Variants in CEP41 observed in about 807,000 individuals in gnomAD.
The protein encoded by CEP41 is centrosomal protein 41, also known as centrosomal protein of 41 kDa.
Under a neutral mutation model 44.3 loss-of-function variants are expected in CEP41, and 32 were observed. The observed-to-expected ratio is 0.72, with a 90% CI of 0.54 to 0.97. CEP41 has a LOEUF of 0.97. CEP41 is among the 50% of genes least tolerant of loss of function. The pLI, the probability that CEP41 is intolerant of heterozygous loss-of-function variation, is 0.00. For missense variants in CEP41, 432 were observed against 455.2 expected (o/e 0.95, Z 0.46); for synonymous variants, 151 against 168.5 (o/e 0.90, Z 0.80).
Position 130,437,595 on chromosome 7 carries a change from AC to A in CEP41, c.33+3338del, listed in dbSNP as rs34184117. Among the ~76,000 whole-genome samples the A allele has an allele frequency of 1.3e-4, 20 of 150,858 alleles. No homozygotes were observed. In the East Asian group the frequency reaches 3.7e-3, roughly 28 times the overall value. On this transcript the variant is annotated intron_variant, in intron 1 of 10. Coordinates refer to ENST00000223208, the MANE Select transcript of CEP41 (RefSeq NM_018718.3). Reference sequence around the variant, plus strand: ...AGACCCTCTTGGGCAACATAGGGAGACCCCATCTCTATAAAAAATACAAAAA... The same window carrying A: ...AGACCCTCTTGGGCAACATAGGGAGACCCATCTCTATAAAAAATACAAAAA...
chr7:130,440,894 CCCGCCCCCT>C, intron 1 of CEP41, 31 bp downstream of exon 1: 1 of 1,607,068 alleles, frequency 6.2e-7, no homozygotes, highest in Non-Finnish European at 8.5e-7. Flanking sequence ...TTCCGGTGCG[CCCGCCCCCT>C]CCGGCTCTCC....
chr7:130,441,242 C>T, upstream of CEP41: 1 of 223,564 alleles, frequency 4.5e-6, no homozygotes, highest in Non-Finnish European at 8.4e-6. Context: ...AGCCTTAGGG[C>T]GGGAAGAGAG....
At position 130,434,091 on chromosome 7, in the gene CEP41, G is replaced by A. The variant is rs562802278; in HGVS notation, c.34-6073C>T. Among the ~76,000 whole-genome samples, 3 of 152,324 alleles carry A rather than the reference G, an allele frequency of 2.0e-5. No individual in the cohort carries two copies. The South Asian group carries it at 6.2e-4, about 32-fold the overall frequency. On this transcript the variant is annotated intron_variant, in intron 1 of 10. Coordinates refer to ENST00000223208, the MANE Select transcript of CEP41 (RefSeq NM_018718.3). ...AGGAATGGAAAAAGTATTCCAAGTG[G>A]AGAAATTTTTAATAGCAAAGCCACT...
intron 1 of CEP41, among the ~76,000 whole-genome samples, chr7:130,440,380 C>A (rs1554427259): frequency 6.6e-6 from 1 of 152,214 alleles, no homozygotes; most frequent in Non-Finnish European, 1.5e-5. Flanking sequence ...GCACCTACTG[C>A]ACCGTGGAAG....
At chr7:130,440,298 C>G (rs561115012) in intron 1 of CEP41, among the ~76,000 whole-genome samples, 3 of 152,270 alleles carry the variant, frequency 2.0e-5, no homozygotes, top group South Asian at 2.1e-4. Context: ...GGATTACAGG[C>G]TGAGCCACCG....
chr7:130,418,214 G>T (rs890351520), intron 2 of CEP41, among the ~76,000 whole-genome samples: 10 of 152,172 alleles, frequency 6.6e-5, no homozygotes, highest in African/African-American at 2.4e-4. Flanking sequence ...AGTCAGGGCT[G>T]CCAGGAAGGC....
At chr7:130,439,879 C>T (rs1554427091) in intron 1 of CEP41, among the ~76,000 whole-genome samples, 1 of 152,190 alleles carries the variant, frequency 6.6e-6, no homozygotes, top group African/African-American at 2.4e-5. Flanking sequence ...AATGAATGGC[C>T]TTGCCACCCC....
rs1256901371 is a variant in CEP41 at position 130,416,803 on chromosome 7, G to A, written c.145+116C>T. The A allele has an allele frequency of 3.6e-5, 31 of 849,998 alleles. 1 individual carries two copies. Among genetic ancestry groups the A allele is most frequent in the South Asian group, 3.5e-4 (26 of 74,388 alleles). The allele number at this position is 849,998 out of a possible 1,614,324, so 52.7% of individuals were successfully genotyped here. On this transcript the variant is annotated intron_variant, in intron 3 of 10. Coordinates refer to ENST00000223208, the MANE Select transcript of CEP41 (RefSeq NM_018718.3). Reference sequence around the variant, plus strand: ...CCTTGAGGCACCTGCTAGGCTTATCGGACCATCCATAGCTCTCTGTGCCTG... The same window carrying A: ...CCTTGAGGCACCTGCTAGGCTTATCAGACCATCCATAGCTCTCTGTGCCTG...
rs782400867 is a variant in CEP41, at chr7:130,398,807, T to C, written c.*84A>G. The C allele has an allele frequency of 2.0e-6, 3 of 1,509,990 alleles. No individual in the cohort carries two copies. Among genetic ancestry groups the C allele is most frequent in the East Asian group, 2.3e-5 (1 of 44,352 alleles). 93.5% of individuals were successfully genotyped at this position (1,509,990 alleles called of 1,614,324 possible). Reference sequence around the variant, plus strand: ...TGTCATGGTCTTTCCTCTGCAGAAGTTTCTGGAAATGACCCAACTTGGGAA... The same window carrying C: ...TGTCATGGTCTTTCCTCTGCAGAAGCTTCTGGAAATGACCCAACTTGGGAA... On this transcript the variant is annotated 3_prime_UTR_variant, in exon 11 of 11. Coordinates refer to ENST00000223208, the MANE Select transcript of CEP41 (RefSeq NM_018718.3).
chr7:130,439,865 G>C (rs999246538), intron 1 of CEP41, among the ~76,000 whole-genome samples: 1 of 152,112 alleles, frequency 6.6e-6, no homozygotes, highest in African/African-American at 2.4e-5. Context: ...TGCTTCACCT[G>C]GCTAATGAAT....
Position 130,394,707 on chromosome 7 carries a change from C to T in CEP41, c.*4184G>A, listed in dbSNP as rs1796611137. ...GAATGACAGACTAGCACTGAGTGGC[C>T]ACCACAGTGGGCATCACATCCAAAC... On this transcript the variant is annotated 3_prime_UTR_variant, in exon 11 of 11. Transcript: ENST00000223208. The T allele has an allele frequency of 2.2e-6, 1 of 454,090 alleles. No homozygotes were observed. 28.1% of individuals were successfully genotyped at this position (454,090 alleles called of 1,614,324 possible).
chr7:130,416,388 A>G (rs1414721622), intron 3 of CEP41, among the ~76,000 whole-genome samples: 5 of 152,252 alleles, frequency 3.3e-5, no homozygotes, highest in Admixed American at 3.3e-4. Context: ...ATCTTTGCAG[A>G]TAAGTTTTTT....
chr7:130,414,108 TA>T (rs1295434309), intron 3 of CEP41, among the ~76,000 whole-genome samples: 1 of 152,218 alleles, frequency 6.6e-6, no homozygotes, highest in African/African-American at 2.4e-5. Context: ...GATACTACTT[TA>T]AAAACTAGCC....
intron 2 of CEP41, chr7:130,420,301 T>G: frequency 8.4e-6 from 1 of 118,886 alleles, no homozygotes; most frequent in African/African-American, 3.3e-5. Flanking sequence ...TGCACTACAA[T>G]GCGGGTGACA....
rs1435247230 is a variant in CEP41 at position 130,397,971 on chromosome 7, C to T, written c.*920G>A. On this transcript the variant is annotated 3_prime_UTR_variant, in exon 11 of 11. Transcript: ENST00000223208. The stretch of plus-strand genomic sequence containing the variant: ...GGTTGTCAGCCCTGACAAAGGACTT[C>T]GGAGTCCTCTTCACCTTGTGTGTCC... 1.1e-5 allele frequency: 5 copies of T among 454,384 alleles called. No homozygotes were observed. Among genetic ancestry groups the T allele is most frequent in the South Asian group, 4.7e-5 (3 of 64,478 alleles). The allele number at this position is 454,384 out of a possible 1,614,324, so 28.1% of individuals were successfully genotyped here.
chr7:130,399,470 A>C (rs1234944544), intron 10 of CEP41: 1 of 243,864 alleles, frequency 4.1e-6, no homozygotes, highest in African/African-American at 2.3e-5. Context: ...AAGGAATCTG[A>C]AGGTCTGATG....
chr7:130,428,926 T>TA lies in CEP41; in HGVS notation c.34-909dup, dbSNP rs202167666. 1.5e-3 allele frequency among the ~76,000 whole-genome samples: 230 copies of TA among 151,514 alleles called. 1 individual carries two copies. The East Asian group carries it at 0.022, about 14-fold the overall frequency. Reference sequence around the variant, plus strand: ...ACTCTGTCTCAAAAAAATAAATAAATAAATAAATAAATAAATAAATAATTT... The same window carrying TA: ...ACTCTGTCTCAAAAAAATAAATAAATAAAATAAATAAATAAATAAATAATTT... On this transcript the variant is annotated intron_variant, in intron 1 of 10. Coordinates refer to ENST00000223208, the MANE Select transcript of CEP41 (RefSeq NM_018718.3).
chr7:130,432,919 G>A (rs1203342982), intron 1 of CEP41, among the ~76,000 whole-genome samples: 3 of 152,172 alleles, frequency 2.0e-5, no homozygotes, highest in African/African-American at 2.4e-5. Context: ...TGAGGAGAGT[G>A]CAGACTGAAA....
chr7:130,402,857 G>A (rs782015170), intron 6 of CEP41, 58 bp from the exon 7 acceptor site: 3 of 1,557,402 alleles, frequency 1.9e-6, no homozygotes, highest in Non-Finnish European at 2.7e-6. Flanking sequence ...CTTAAAGGTC[G>A]AACGTGTCTC....
Sources: gnomAD v4.1 joint callset for allele counts (sites outside exome capture counted in the v4.1 genomes callset) on GRCh38, gnomAD v4.1.1 for gene constraint, MANE v1.5 for transcripts, NCBI Gene and HGNC (gene_info 2026-07-23, HGNC 2026-07-21) for gene names.